SEMA4D: variants seen among roughly 807,000 people sequenced by gnomAD.
SEMA4D encodes semaphorin-4D.
Under a neutral mutation model 74.8 loss-of-function variants are expected in SEMA4D, and 22 were observed. The observed-to-expected ratio is 0.29, with a 90% CI of 0.21 to 0.42. The LOEUF (loss-of-function observed/expected upper bound fraction) is 0.42. SEMA4D is among the 10% of genes least tolerant of loss of function. The pLI is 1.00. For missense variants in SEMA4D, 937 were observed against 1,118.4 expected (o/e 0.84, Z 2.31); for synonymous variants, 445 against 463.7 (o/e 0.96, Z 0.52).
intron 16 of SEMA4D, among the ~76,000 whole-genome samples, chr9:89,371,674 G>GGT (rs573524331): frequency 2.1e-5 from 2 of 96,142 alleles, no homozygotes; most frequent in Non-Finnish European, 4.3e-5. Context: ...GTGTGTCTGG[G>GGT]GTGTGTGTGT....
intron 1 of SEMA4D, among the ~76,000 whole-genome samples, chr9:89,459,808 G>A (rs941101514): frequency 2.0e-5 from 3 of 152,204 alleles, no homozygotes; most frequent in African/African-American, 7.2e-5. Context: ...CAAGACCCAG[G>A]CTAAGATTTG....
exon 18 of SEMA4D, chr9:89,363,444 A>C: frequency 6.2e-7 from 1 of 1,613,578 alleles, no homozygotes; most frequent in Non-Finnish European, 8.5e-7. Flanking sequence ...GCCTTCCTCC[A>C]GCTCTGCATC....
intron 2 of SEMA4D, among the ~76,000 whole-genome samples, chr9:89,409,819 A>G (rs1420575197): frequency 6.6e-6 from 1 of 152,188 alleles, no homozygotes; most frequent in East Asian, 1.9e-4. Context: ...AGATCCCCCA[A>G]CTGCAATCAG....
intron 2 of SEMA4D, among the ~76,000 whole-genome samples, chr9:89,429,832 GT>G (rs375674909): frequency 2.0e-5 from 3 of 152,294 alleles, no homozygotes; most frequent in Non-Finnish European, 4.4e-5. Flanking sequence ...AAATTACGCG[GT>G]TTGCAAACTG....
chr9:89,362,087 GT>G (rs1251739336), exon 19 of SEMA4D: 5 of 540,248 alleles, frequency 9.3e-6, no homozygotes, highest in Non-Finnish European at 1.7e-5. Context: ...ACACCCTGCT[GT>G]TTTAGTTCAC....
At chr9:89,399,638 A>G (rs906138164) in intron 4 of SEMA4D, among the ~76,000 whole-genome samples, 3 of 152,152 alleles carry the variant, frequency 2.0e-5, no homozygotes, top group African/African-American at 4.8e-5. Context: ...AAATTAAATT[A>G]TTTTTCAAAA....
chr9:89,367,230 C>CTCA (rs1326202322), intron 16 of SEMA4D: 2 of 152,556 alleles, frequency 1.3e-5, no homozygotes, highest in Non-Finnish European at 2.9e-5. Context: ...GCACCGCACC[C>CTCA]TCAGCGGGAC....
intron 6 of SEMA4D, among the ~76,000 whole-genome samples, chr9:89,396,281 C>T (rs1840941612): frequency 1.3e-5 from 2 of 152,324 alleles, no homozygotes; most frequent in African/African-American, 4.8e-5. Context: ...AAGCCAGGAG[C>T]AAGTCCTGAC....
rs1414526065 is a variant in SEMA4D, at chr9:89,381,462, G to A, written c.1447-116C>T. On this transcript the variant is annotated intron_variant, in intron 13 of 15. Transcript: ENST00000422704. This position sits in a 1 kb window ranked among gnomAD's most constrained non-coding sequence, Gnocchi z 4.6. ...CCAGAGTGTACCTTCAGGGGACATT[G>A]CAGTAAGGAGGAGAGGTACTCAGAA... is the stretch of plus-strand genomic sequence containing the variant. The A allele has an allele frequency of 9.8e-6, 10 of 1,016,814 alleles. No individual in the cohort carries two copies. The highest frequency in any genetic ancestry group is 1.4e-5 in the Non-Finnish European group (10 of 717,184). 63.0% of individuals were successfully genotyped at this position (1,016,814 alleles called of 1,614,324 possible).
At chr9:89,440,228 C>T (rs558752708) in intron 2 of SEMA4D, among the ~76,000 whole-genome samples, 1 of 152,284 alleles carries the variant, frequency 6.6e-6, no homozygotes, top group African/African-American at 2.4e-5. Context: ...CCAGTTGAGG[C>T]TCCCTCCCCG....
At chr9:89,363,712 G>A (rs1321227929) in intron 17 of SEMA4D, 1 of 1,605,594 alleles carries the variant, frequency 6.2e-7, no homozygotes, top group Admixed American at 1.7e-5. Flanking sequence ...CCTCATAAAA[G>A]GGTAACAGTG....
At chr9:89,363,745 T>G (rs955531696) in exon 17 of SEMA4D, 1 of 1,612,406 alleles carries the variant, frequency 6.2e-7, no homozygotes, top group African/African-American at 1.3e-5. Flanking sequence ...ACTTACCAGG[T>G]CTCATCACAG....
At chr9:89,385,832 C>G (rs1838319059) in intron 13 of SEMA4D, 3 of 889,172 alleles carry the variant, frequency 3.4e-6, no homozygotes, top group Non-Finnish European at 4.0e-6. Flanking sequence ...GGAGCCAGGG[C>G]CAGGGAGGCA....
Position 89,391,400 on chromosome 9 carries a change from A to G in SEMA4D, c.638T>C (p.Phe213Ser). The change falls in exon 9 of 16, where the codon TTT (phenylalanine) becomes TCT (serine). Residue 213 changes from phenylalanine to serine, a missense_variant. Physicochemically the swap from Phe to Ser is radical, Grantham distance 155 (BLOSUM62 -2). Coordinates refer to ENST00000422704, the MANE Select transcript of SEMA4D (RefSeq NM_001371194.2). ...TGGGCTTTTTCGGATCACGTCAGCA[A>G]ACACGAAACTAGGCTCTGCAGAGAG... ...IPWLNEPSFV[F>S]ADVIRKSPDS... 1 of 1,614,252 alleles carries G rather than the reference A, an allele frequency of 6.2e-7. No homozygotes were observed. The highest frequency in any genetic ancestry group is 8.5e-7 in the Non-Finnish European group (1 of 1,180,038).
In SEMA4D at chr9:89,388,785, C is replaced by T. The variant is rs768833619; in HGVS notation, c.958G>A (p.Val320Met). The T allele has an allele frequency of 3.4e-5, 54 of 1,605,890 alleles. No homozygotes were observed. The South Asian group carries it at 4.9e-4, about 15-fold the overall frequency. Reference sequence around the variant, plus strand: ...TAGGCGCACACTGCCGACAGCCCCACGTTGTTCCTGGGGAGGGGAAAGAGG... The same window carrying T: ...TAGGCGCACACTGCCGACAGCCCCATGTTGTTCCTGGGGAGGGGAAAGAGG... ...YALFTPQLNN[V>M]GLSAVCAYNL... The change falls in exon 11 of 16, where the codon GTG (valine) becomes ATG (methionine). Residue 320 changes from valine (V) to methionine (M), a missense_variant. Physicochemically the swap from Val to Met is conservative, Grantham distance 21. Transcript: ENST00000422704.
chr9:89,450,547 C>T (rs767981813), intron 2 of SEMA4D: 10 of 1,090,806 alleles, frequency 9.2e-6, no homozygotes, highest in Non-Finnish European at 1.3e-5. Flanking sequence ...CCCAATGGCC[C>T]CATGCAGATA....
rs751469110 is a variant in SEMA4D, at chr9:89,381,146, T to G, written c.1619+28A>C. 3.7e-6 allele frequency: 6 copies of G among 1,614,090 alleles called. No homozygotes were observed. The South Asian group carries it at 6.6e-5, about 18-fold the overall frequency. On this transcript the variant is annotated intron_variant, in intron 14 of 15. Transcript: ENST00000422704. This position sits in a 1 kb window ranked among gnomAD's most constrained non-coding sequence, Gnocchi z 4.6. ...TATTCACCCACACACATGGGGGACATCCCCAGGCAGCGCATCCCGCCCCAT... is the reference window on the plus strand; with the variant it reads ...TATTCACCCACACACATGGGGGACAGCCCCAGGCAGCGCATCCCGCCCCAT...
At chr9:89,458,242 T>C (rs146650662) in intron 1 of SEMA4D, among the ~76,000 whole-genome samples, 7 of 152,250 alleles carry the variant, frequency 4.6e-5, no homozygotes, top group South Asian at 2.1e-4. Flanking sequence ...TAACAGGTTT[T>C]TCGTGCTGTG....
rs1396036174 is a variant in SEMA4D at position 89,492,940 on chromosome 9, C to T, written c.-310+4979G>A. 6.6e-6 allele frequency among the ~76,000 whole-genome samples: 1 copy of T among 152,234 alleles called. No individual in the cohort carries two copies. The highest frequency in any genetic ancestry group is 1.5e-5 in the Non-Finnish European group (1 of 68,040). ...AAATCACAACCACCCTCTCAACAAA[C>T]CACTGGCCCCTTAAGCGGCTGGACC... is the stretch of plus-strand genomic sequence containing the variant. On this transcript the variant is annotated intron_variant, in intron 1 of 15. Coordinates refer to ENST00000422704, the MANE Select transcript of SEMA4D (RefSeq NM_001371194.2). The surrounding 1 kb of genome is among the most constrained non-coding windows in gnomAD (Gnocchi z 4.3).
Sources: allele counts gnomAD v4.1 joint callset (sites outside exome capture counted in the v4.1 genomes callset), GRCh38; gene constraint gnomAD v4.1.1; non-coding constraint Gnocchi (gnomAD v3.1); transcripts MANE v1.5; gene names NCBI Gene and HGNC (gene_info 2026-07-23, HGNC 2026-07-21).